The following MAPT variants were observed in gnomAD, a reference collection of about 807,000 sequenced individuals.
The protein encoded by MAPT is microtubule associated protein tau, also known as microtubule-associated protein tau.
A neutral mutation model predicts 67.9 loss-of-function variants in MAPT; 34 were observed. The ratio of observed to expected loss-of-function variants is 0.50; its 90% confidence interval spans 0.38 to 0.67. The LOEUF is 0.67. Among genes scored for constraint, MAPT ranks in the 30% least tolerant of loss-of-function variants. The pLI is 0.00. For synonymous variants in MAPT, 456 were observed against 464.5 expected, an observed-to-expected ratio of 0.98 and a Z score of 0.23; for missense variants, 881 against 1,115.2, an observed-to-expected ratio of 0.79 and a Z score of 2.99.
At chr17:45,992,832 A>G (rs2074171586) in intron 8 of MAPT, among the ~76,000 whole-genome samples, 1 of 150,166 alleles carries the variant, frequency 6.7e-6, no homozygotes. Flanking sequence ...CAGAGGTTGC[A>G]GTGAGCTGAG....
At position 45,920,969 on chromosome 17, in the gene MAPT, A is replaced by G. The variant is rs1163120023; in HGVS notation, c.-18+26283A>G. ...GCAAATTATAGTGGCAAACGTATGC[A>G]TCTTTGCACAATTGTTGTACAGCAT... On this transcript the variant is annotated intron_variant, in intron 1 of 12. Coordinates refer to ENST00000262410, the MANE Select transcript of MAPT (RefSeq NM_001377265.1). 2.6e-5 allele frequency among the ~76,000 whole-genome samples: 4 copies of G among 152,246 alleles called. No individual in the cohort carries two copies. The East Asian group carries it at 7.7e-4, about 29-fold the overall frequency.
intron 6 of MAPT, among the ~76,000 whole-genome samples, chr17:45,987,606 C>G (rs2073685593): frequency 6.6e-6 from 1 of 152,238 alleles, no homozygotes; most frequent in Non-Finnish European, 1.5e-5. Flanking sequence ...CCCACCATGG[C>G]TCTAGATAAG....
chr17:45,929,988 C>T (rs755916687), intron 1 of MAPT, among the ~76,000 whole-genome samples: 1 of 152,174 alleles, frequency 6.6e-6, no homozygotes, highest in Non-Finnish European at 1.5e-5. Context: ...TAAGGTTTTG[C>T]CTACCTGCAT....
intron 7 of MAPT, 125 bp downstream of exon 7, chr17:45,990,200 G>A: frequency 1.2e-6 from 1 of 867,104 alleles, no homozygotes. Flanking sequence ...GAAGCACCGT[G>A]TAAAATAGTT....
intron 1 of MAPT, among the ~76,000 whole-genome samples, chr17:45,919,704 C>G (rs186813714): frequency 6.6e-6 from 1 of 152,268 alleles, no homozygotes; most frequent in East Asian, 1.9e-4. Context: ...CCCAGGAGTT[C>G]GAGACCAACC....
At chr17:45,904,120 T>G (rs1300401004) in intron 1 of MAPT, among the ~76,000 whole-genome samples, 2 of 38,374 alleles carry the variant, frequency 5.2e-5, no homozygotes, top group Non-Finnish European at 9.1e-5. Context: ...ATATATTATA[T>G]ATTATATATT....
chr17:45,959,442 G>A (rs1202531370), intron 1 of MAPT, among the ~76,000 whole-genome samples: 1 of 152,204 alleles, frequency 6.6e-6, no homozygotes, highest in African/African-American at 2.4e-5. Flanking sequence ...AGCAATTGGT[G>A]TCTACAGCCG....
chr17:46,014,439 A>G, intron 11 of MAPT, 115 bp downstream of exon 11: 1 of 780,762 alleles, frequency 1.3e-6, no homozygotes, highest in South Asian at 1.4e-5. Context: ...TTTTAGGTAG[A>G]CCTACATCAA....
rs1434307207 is a variant in MAPT at position 46,026,246 on chromosome 17, A to G, written c.*2075A>G. 5 of 152,664 alleles carry G rather than the reference A, an allele frequency of 3.3e-5. No homozygotes were observed. The highest frequency in any genetic ancestry group is 1.3e-4 in the Admixed American group (2 of 15,282). The allele number at this position is 152,664 out of a possible 1,614,324, so 9.5% of individuals were successfully genotyped here. ...TCCCAAGTTTTGAAAGGCTTTCCTC[A>G]GCACCTGGGACCCAACAGAGACCAG... On this transcript the variant is annotated 3_prime_UTR_variant, in exon 13 of 13. Coordinates refer to ENST00000262410, the MANE Select transcript of MAPT (RefSeq NM_001377265.1).
intron 6 of MAPT, among the ~76,000 whole-genome samples, chr17:45,988,926 G>A (rs962524294): frequency 3.3e-5 from 5 of 151,874 alleles, no homozygotes; most frequent in African/African-American, 1.2e-4. Flanking sequence ...AGTTAACATT[G>A]GCCAGATTAG....
chr17:45,929,382 A>G (rs1415315307), intron 1 of MAPT, among the ~76,000 whole-genome samples: 2 of 152,246 alleles, frequency 1.3e-5, no homozygotes, highest in Non-Finnish European at 2.9e-5. Context: ...TTTCAATTGC[A>G]AGTAATAGAA....
rs537288326 is a variant in MAPT, at chr17:45,944,962, T to A, written c.-17-17359T>A. Among the ~76,000 whole-genome samples, 409 of 152,288 alleles carry A rather than the reference T, an allele frequency of 2.7e-3. 1 individual carries two copies. Among genetic ancestry groups the A allele is most frequent in the Non-Finnish European group, 4.7e-3 (322 of 68,018 alleles). ...CAGCAAATCACCTCTCGCCAGACTCTCTCCTCACTCTCTCTGGGTCCACTA... is the reference window on the plus strand; with the variant it reads ...CAGCAAATCACCTCTCGCCAGACTCACTCCTCACTCTCTCTGGGTCCACTA... On this transcript the variant is annotated intron_variant, in intron 1 of 12. Transcript: ENST00000262410.
chr17:45,926,920 T>C (rs939045435), intron 1 of MAPT, among the ~76,000 whole-genome samples: 19 of 149,982 alleles, frequency 1.3e-4, no homozygotes, highest in Non-Finnish European at 2.7e-4. Context: ...TGTGTGTATA[T>C]ATATACACAT....
intron 11 of MAPT, 128 bp from the exon 12 acceptor site, chr17:46,018,490 A>C: frequency 1.3e-6 from 1 of 794,404 alleles, no homozygotes; most frequent in Admixed American, 1.7e-5. Context: ...CACCCAATCT[A>C]ATTTTTGCTG....
chr17:45,960,696 T>C (rs2070292759), intron 1 of MAPT, among the ~76,000 whole-genome samples: 2 of 152,214 alleles, frequency 1.3e-5, no homozygotes, highest in Non-Finnish European at 2.9e-5. Context: ...CTTATGCCTG[T>C]AATCCCAACA....
chr17:46,007,311 C>T (rs1474701939), intron 9 of MAPT, among the ~76,000 whole-genome samples: 1 of 151,920 alleles, frequency 6.6e-6, no homozygotes, highest in African/African-American at 2.4e-5. Context: ...ATAGCGAGAC[C>T]CCATCATCAC....
intron 1 of MAPT, among the ~76,000 whole-genome samples, chr17:45,932,263 C>A (rs896604701): frequency 6.6e-6 from 1 of 151,944 alleles, no homozygotes; most frequent in African/African-American, 2.4e-5. Context: ...ATGCAAATGG[C>A]GCCAGAAGCA....
At chr17:45,991,425 T>C in intron 7 of MAPT, 35 bp from the exon 8 acceptor site, 1 of 1,613,570 alleles carries the variant, frequency 6.2e-7, no homozygotes, top group Middle Eastern at 1.7e-4. Context: ...CTTTTCCCAA[T>C]GGTGAAAAAC....
Position 45,996,801 on chromosome 17 carries a change from C to T in MAPT, c.1998+137C>T, listed in dbSNP as rs933190768. ...TGGGACTGTGCATGGAGGTGTGGGG[C>T]TCCCCGCACCTGAGCACCCCCGCAT... On this transcript the variant is annotated intron_variant, in intron 9 of 12. Transcript: ENST00000262410. This position sits in a 1 kb window ranked among gnomAD's most constrained non-coding sequence, Gnocchi z 4.5. 3.3e-6 allele frequency: 4 copies of T among 1,202,054 alleles called. No homozygotes were observed. The African/African-American group carries it at 6.1e-5, about 18-fold the overall frequency. 74.5% of individuals were successfully genotyped at this position (1,202,054 alleles called of 1,614,324 possible).
Sources: gnomAD v4.1 joint callset for allele counts (sites outside exome capture counted in the v4.1 genomes callset) on GRCh38, gnomAD v4.1.1 for gene constraint, Gnocchi (gnomAD v3.1) non-coding constraint, MANE v1.5 for transcripts, NCBI Gene and HGNC (gene_info 2026-07-23, HGNC 2026-07-21) for gene names.